LRBA: variants seen among roughly 807,000 people sequenced by gnomAD.
LRBA encodes the protein LPS responsive beige-like anchor protein, also known as lipopolysaccharide-responsive and beige-like anchor protein.
Under a neutral mutation model 330.0 loss-of-function variants are expected in LRBA, and 176 were observed. The observed-to-expected ratio is 0.53, with a 90% CI of 0.47 to 0.60. LRBA has a LOEUF of 0.60. Ranked by LOEUF, LRBA falls within the 20% of genes least tolerant of loss-of-function variation. LRBA has a pLI of 0.00. For synonymous variants in LRBA, 1,230 were observed against 1,193.0 expected (o/e 1.03, Z -0.64); for missense variants, 3,259 against 3,444.8 (o/e 0.95, Z 1.35).
intron 46 of LRBA, among the ~76,000 whole-genome samples, chr4:150,419,214 A>G (rs1237540135): frequency 1.3e-5 from 2 of 152,160 alleles, no homozygotes; most frequent in Non-Finnish European, 2.9e-5. Flanking sequence ...CAATCTGCCT[A>G]CTGTACATAG....
chr4:150,890,920 A>T (rs962187856), intron 17 of LRBA, among the ~76,000 whole-genome samples: 2 of 151,534 alleles, frequency 1.3e-5, no homozygotes, highest in African/African-American at 4.8e-5. Flanking sequence ...TTTTTTTTTT[A>T]AAAGTGGTAA....
intron 36 of LRBA, among the ~76,000 whole-genome samples, chr4:150,713,211 T>C (rs1223174595): frequency 3.3e-5 from 5 of 152,174 alleles, no homozygotes; most frequent in Non-Finnish European, 5.9e-5. Context: ...GCTAGGATTA[T>C]AGGCATGAGC....
intron 36 of LRBA, among the ~76,000 whole-genome samples, chr4:150,709,204 A>G (rs944776628): frequency 6.6e-6 from 1 of 151,880 alleles, no homozygotes; most frequent in Non-Finnish European, 1.5e-5. Context: ...GAACCCGAAC[A>G]TGTTTTTGGA....
At chr4:150,996,069 C>CAAAAAAA (rs34323309) in intron 2 of LRBA, among the ~76,000 whole-genome samples, 1 of 125,230 alleles carries the variant, frequency 8.0e-6, no homozygotes. Context: ...CAACAACAAC[C>CAAAAAAA]AAAAAAAAAA....
intron 37 of LRBA, among the ~76,000 whole-genome samples, chr4:150,614,984 C>A (rs181851025): frequency 1.1e-4 from 17 of 152,284 alleles, no homozygotes; most frequent in Middle Eastern, 6.8e-3. Flanking sequence ...TAATAGGGAA[C>A]ATGTTAACAT....
Position 150,415,617 on chromosome 4 carries a change from T to A in LRBA, c.7042-27A>T, listed in dbSNP as rs764843770. On this transcript the variant is annotated intron_variant, in intron 46 of 56. Coordinates refer to ENST00000651943, the MANE Select transcript of LRBA (RefSeq NM_001364905.1). ...TATATAAAAATAAAAGACAATGTGA[T>A]ATTATAAACTGTAGGATACTGACTA... is the stretch of plus-strand genomic sequence containing the variant. 2.2e-6 allele frequency: 3 copies of A among 1,346,316 alleles called. 1 individual carries two copies. In the Middle Eastern group the frequency reaches 5.5e-4, roughly 245 times the overall value. 83.4% of individuals were successfully genotyped at this position (1,346,316 alleles called of 1,614,324 possible). A position where few individuals can be genotyped will look rare whatever the true frequency, so the allele number is the denominator to read the frequency against.
chr4:150,266,337 G>T (rs1211902591), intron 56 of LRBA, among the ~76,000 whole-genome samples: 1 of 152,222 alleles, frequency 6.6e-6, no homozygotes, highest in Non-Finnish European at 1.5e-5. Context: ...CCTCTGTGGA[G>T]AAGTAGTCTA....
chr4:150,536,086 A>G (rs568294734), intron 40 of LRBA, among the ~76,000 whole-genome samples: 1 of 152,346 alleles, frequency 6.6e-6, no homozygotes, highest in African/African-American at 2.4e-5. Flanking sequence ...GTGCAGAGGT[A>G]GGACACTCTA....
intron 2 of LRBA, among the ~76,000 whole-genome samples, chr4:151,001,636 G>A (rs950581575): frequency 2.6e-5 from 4 of 151,880 alleles, no homozygotes; most frequent in Non-Finnish European, 5.9e-5. Flanking sequence ...CACACCCACC[G>A]CCAATATACA....
At chr4:150,815,066 C>T (rs1744363564) in intron 31 of LRBA, among the ~76,000 whole-genome samples, 1 of 151,878 alleles carries the variant, frequency 6.6e-6, no homozygotes, top group East Asian at 1.9e-4. Flanking sequence ...TGTTCCTAAA[C>T]TGAAACTAGA....
chr4:150,641,295 T>C (rs992054710), intron 37 of LRBA, among the ~76,000 whole-genome samples: 1 of 152,188 alleles, frequency 6.6e-6, no homozygotes, highest in Non-Finnish European at 1.5e-5. Flanking sequence ...TATCATTGGT[T>C]TTTCATATTT....
At chr4:150,758,778 T>C (rs1734674634) in intron 35 of LRBA, among the ~76,000 whole-genome samples, 2 of 152,086 alleles carry the variant, frequency 1.3e-5, no homozygotes, top group South Asian at 4.1e-4. Context: ...TCTCACTATG[T>C]TGCCCAGGCT....
Position 150,414,041 on chromosome 4 carries a change from A to G in LRBA, c.7194+1397T>C, listed in dbSNP as rs549734201. Among the ~76,000 whole-genome samples the G allele has an allele frequency of 3.9e-5, 6 of 152,336 alleles. No homozygotes were observed. In the East Asian group the frequency reaches 1.2e-3, roughly 29 times the overall value. ...ATGCAACATGTTCCATAAGACTGTGATAGAATAATATTATTTACTATTTTC... is the reference window on the plus strand; with the variant it reads ...ATGCAACATGTTCCATAAGACTGTGGTAGAATAATATTATTTACTATTTTC... On this transcript the variant is annotated intron_variant, in intron 47 of 56. Coordinates refer to ENST00000651943, the MANE Select transcript of LRBA (RefSeq NM_001364905.1).
chr4:151,010,991 T>A (rs1284323745), intron 2 of LRBA, among the ~76,000 whole-genome samples: 1 of 150,464 alleles, frequency 6.6e-6, no homozygotes, highest in Non-Finnish European at 1.5e-5. Context: ...ATCGAGACCA[T>A]CCTGGCTGAC....
At chr4:150,735,441 G>T in intron 35 of LRBA, 75 bp from the exon 36 acceptor site, 1 of 895,720 alleles carries the variant, frequency 1.1e-6, no homozygotes, top group Non-Finnish European at 1.8e-6. Context: ...TGCTTACGGT[G>T]GAGAGGAAGG....
At chr4:150,389,919 T>TTTTTG in intron 47 of LRBA, among the ~76,000 whole-genome samples, 1 of 141,958 alleles carries the variant, frequency 7.0e-6, no homozygotes. Flanking sequence ...GTATTTTTTT[T>TTTTTG]TTTTTTTTTT....
chr4:150,749,413 A>G (rs990991699), intron 35 of LRBA, among the ~76,000 whole-genome samples: 1 of 152,144 alleles, frequency 6.6e-6, no homozygotes, highest in Non-Finnish European at 1.5e-5. Flanking sequence ...CTATTTTTAA[A>G]AAGATAAAGG....
At chr4:150,968,224 G>A (rs1356656356) in intron 2 of LRBA, among the ~76,000 whole-genome samples, 2 of 151,990 alleles carry the variant, frequency 1.3e-5, no homozygotes, top group Middle Eastern at 3.2e-3. Context: ...GGCTAGTCTC[G>A]AACTCCTGAC....
At chr4:150,349,961 A>G (rs1326982312) in intron 48 of LRBA, 31 bp downstream of exon 48, 3 of 1,603,220 alleles carry the variant, frequency 1.9e-6, no homozygotes, top group Admixed American at 3.3e-5. Flanking sequence ...ATACCTGACT[A>G]TAAGTTGCTT....
Sources: gnomAD v4.1 joint callset for allele counts (sites outside exome capture counted in the v4.1 genomes callset) on GRCh38, gnomAD v4.1.1 for gene constraint, MANE v1.5 for transcripts, NCBI Gene and HGNC (gene_info 2026-07-23, HGNC 2026-07-21) for gene names.